Variants in TFF1 observed in about 807,000 individuals in gnomAD.
TFF1 encodes the protein trefoil factor 1.
In TFF1, 8 loss-of-function variants were observed where a neutral mutation model predicts 7.7. That is an observed-to-expected ratio of 1.04 (90% CI 0.61 to 1.87). TFF1 has a LOEUF of 1.87. Among genes scored for constraint, TFF1 ranks in the 40% most tolerant of loss-of-function variants. The probability of loss-of-function intolerance (pLI) is 0.00; values close to 1 mark genes in which losing one functional copy is unlikely to be tolerated. For missense variants in TFF1, 120 were observed against 113.4 expected (o/e 1.06, Z -0.26); for synonymous variants, 47 against 44.8 (o/e 1.05, Z -0.19).
Position 42,362,357 on chromosome 21 carries a change from C to T in TFF1, c.*122G>A. On this transcript the variant is annotated 3_prime_UTR_variant, in exon 3 of 3. Transcript: ENST00000291527. Reference sequence around the variant, plus strand: ...AGAGCAGTCAATCTGTGTTGTGAGCCGAGGCACAGCTGCAGAAGCGTGTCT... The same window carrying T: ...AGAGCAGTCAATCTGTGTTGTGAGCTGAGGCACAGCTGCAGAAGCGTGTCT... The T allele has an allele frequency of 3.5e-6, 4 of 1,149,548 alleles. No homozygotes were observed. Among genetic ancestry groups the T allele is most frequent in the Non-Finnish European group, 2.5e-6 (2 of 813,292 alleles). The allele number at this position is 1,149,548 out of a possible 1,614,324, so 71.2% of individuals were successfully genotyped here. A position where few individuals can be genotyped will look rare whatever the true frequency, so the allele number is the denominator to read the frequency against.
rs762184829 is a variant in TFF1 at position 42,363,388 on chromosome 21, G to T, written c.105C>A (p.Pro35=). The change falls in exon 2 of 3, where the codon CCC becomes CCA. Residue 35 remains proline, a synonymous_variant. Transcript: ENST00000291527. ...EAQTETCTVA[P]RERQNCGFPG... is the part of the protein sequence containing the mutation. ...GAAAACCACAATTCTGTCTTTCACG[G>T]GGGGCCACTGTACACGTCTCTGAAA... The T allele has an allele frequency of 1.2e-6, 2 of 1,613,970 alleles. No individual in the cohort carries two copies. Among genetic ancestry groups the T allele is most frequent in the African/African-American group, 2.7e-5 (2 of 74,914 alleles).
chr21:42,364,834 T>C (rs963739141), intron 1 of TFF1, among the ~76,000 whole-genome samples: 1 of 152,130 alleles, frequency 6.6e-6, no homozygotes, highest in Non-Finnish European at 1.5e-5. Context: ...CGTGTTCAGC[T>C]CCCGCTGCCC....
chr21:42,365,876 G>A (rs996751498), intron 1 of TFF1, among the ~76,000 whole-genome samples: 1 of 152,166 alleles, frequency 6.6e-6, no homozygotes, highest in Non-Finnish European at 1.5e-5. Flanking sequence ...TCATGAGAGA[G>A]GTGGCTTTGA....
chr21:42,363,166 T>C, intron 2 of TFF1, 89 bp downstream of exon 2: 2 of 1,558,586 alleles, frequency 1.3e-6, no homozygotes, highest in Middle Eastern at 1.8e-4. Flanking sequence ...AAGGCATAGC[T>C]GGTGATGCTG....
At chr21:42,364,381 C>T (rs893056175) in intron 1 of TFF1, among the ~76,000 whole-genome samples, 5 of 152,096 alleles carry the variant, frequency 3.3e-5, no homozygotes, top group Middle Eastern at 3.4e-3. Flanking sequence ...GTGAGAGGAC[C>T]GGGTGGGGTG....
intron 2 of TFF1, 42 bp from the exon 3 acceptor site, chr21:42,362,537 G>C (rs756225948): frequency 2.0e-6 from 3 of 1,537,760 alleles, no homozygotes; most frequent in Non-Finnish European, 2.6e-6. Flanking sequence ...GCTTTAGTGA[G>C]GATAAACATT....
At chr21:42,363,714 C>G (rs1045694166) in intron 1 of TFF1, among the ~76,000 whole-genome samples, 1 of 152,202 alleles carries the variant, frequency 6.6e-6, no homozygotes, top group Non-Finnish European at 1.5e-5. Flanking sequence ...ATTTACTGAG[C>G]ACCATTTGTG....
intron 1 of TFF1, 89 bp from the exon 2 acceptor site, chr21:42,363,496 A>G: frequency 6.8e-7 from 1 of 1,473,310 alleles, no homozygotes; most frequent in Non-Finnish European, 9.1e-7. Context: ...TCCTTCTCCA[A>G]TGACATCAGC....
intron 1 of TFF1, among the ~76,000 whole-genome samples, chr21:42,365,326 G>C (rs2052270997): frequency 6.6e-6 from 1 of 152,048 alleles, no homozygotes; most frequent in Non-Finnish European, 1.5e-5. Context: ...GGCCAGCACG[G>C]GGACCCACCC....
chr21:42,366,399 A>G lies in TFF1; in HGVS notation c.85+12T>C, dbSNP rs757942259. ...GCTGTGGCCCCACAGAGCAGGAAGA[A>G]GCACGCCTTACCTGTCTGGGCCTCG... On this transcript the variant is annotated intron_variant, in intron 1 of 2. Transcript: ENST00000291527. 2 of 1,599,102 alleles carry G rather than the reference A, an allele frequency of 1.3e-6. No homozygotes were observed. Among genetic ancestry groups the G allele is most frequent in the Non-Finnish European group, 1.7e-6 (2 of 1,168,766 alleles).
chr21:42,363,464 T>A, intron 1 of TFF1, 57 bp from the exon 2 acceptor site: 2 of 1,571,046 alleles, frequency 1.3e-6, no homozygotes, highest in East Asian at 2.3e-5. Context: ...CTTGATGTTA[T>A]CATGCACACA....
chr21:42,365,019 G>T (rs371724361), intron 1 of TFF1, among the ~76,000 whole-genome samples: 1 of 152,134 alleles, frequency 6.6e-6, no homozygotes, highest in Non-Finnish European at 1.5e-5. Context: ...TTCCAGCCCC[G>T]GTGCTCTGCC....
At chr21:42,363,951 C>CA (rs1316137671) in intron 1 of TFF1, among the ~76,000 whole-genome samples, 1 of 151,916 alleles carries the variant, frequency 6.6e-6, no homozygotes, top group African/African-American at 2.4e-5. Flanking sequence ...ACTAAAAATA[C>CA]AAAAAATTAG....
chr21:42,365,607 C>G (rs2052273391), intron 1 of TFF1, among the ~76,000 whole-genome samples: 1 of 152,150 alleles, frequency 6.6e-6, no homozygotes, highest in Non-Finnish European at 1.5e-5. Context: ...TCTCCTGCCC[C>G]CACCTTGAAA....
In TFF1 at chr21:42,363,099, T is replaced by C. The variant is rs113596813; in HGVS notation, c.238+156A>G. ...CTGCCTTTCTATTCCTGGACCTGAATGCAGCCTGACTCAGGCTACCCCATT... is the reference window on the plus strand; with the variant it reads ...CTGCCTTTCTATTCCTGGACCTGAACGCAGCCTGACTCAGGCTACCCCATT... On this transcript the variant is annotated intron_variant, in intron 2 of 2. Coordinates refer to ENST00000291527, the MANE Select transcript of TFF1 (RefSeq NM_003225.3). Among the ~76,000 whole-genome samples the C allele has an allele frequency of 8.4e-3, 1,280 of 152,210 alleles. 22 individuals carry two copies. The highest frequency in any genetic ancestry group is 0.026 in the African/African-American group (1,068 of 41,528).
At chr21:42,363,581 A>G in intron 1 of TFF1, among the ~76,000 whole-genome samples, 174 bp from the exon 2 acceptor site, 1 of 152,240 alleles carries the variant, frequency 6.6e-6, no homozygotes, top group East Asian at 1.9e-4. Flanking sequence ...TGATGTGCAA[A>G]CATTACGCTC....
intron 1 of TFF1, 62 bp from the exon 2 acceptor site, chr21:42,363,469 C>A (rs572865813): frequency 9.5e-5 from 147 of 1,551,704 alleles, no homozygotes; most frequent in Admixed American, 4.2e-4. Flanking sequence ...TGTTATCATG[C>A]ACACACCCAT....
At chr21:42,364,518 T>C (rs1377551769) in intron 1 of TFF1, among the ~76,000 whole-genome samples, 1 of 152,142 alleles carries the variant, frequency 6.6e-6, no homozygotes, top group Non-Finnish European at 1.5e-5. Flanking sequence ...CAGGATCTTA[T>C]GCAAGAGGTT....
rs538289698 is a variant in TFF1, at chr21:42,364,841, G to GC, written c.86-1435dup. Among the ~76,000 whole-genome samples the GC allele has an allele frequency of 9.2e-5, 14 of 152,298 alleles. No individual in the cohort carries two copies. The South Asian group carries it at 2.9e-3, about 32-fold the overall frequency. Reference sequence around the variant, plus strand: ...GAAGGATCCGTGTTCAGCTCCCGCTGCCCAGCAGCTTCCATGGGAACCTTG... The same window carrying GC: ...GAAGGATCCGTGTTCAGCTCCCGCTGCCCCAGCAGCTTCCATGGGAACCTTG... On this transcript the variant is annotated intron_variant, in intron 1 of 2. Coordinates refer to ENST00000291527, the MANE Select transcript of TFF1 (RefSeq NM_003225.3).
Sources: gnomAD v4.1 joint callset for allele counts (sites outside exome capture counted in the v4.1 genomes callset) on GRCh38, gnomAD v4.1.1 for gene constraint, MANE v1.5 for transcripts, NCBI Gene and HGNC (gene_info 2026-07-23, HGNC 2026-07-21) for gene names.